The following TRAK1 variants were observed in gnomAD, a reference collection of about 807,000 sequenced individuals.
The protein encoded by TRAK1 is trafficking kinesin protein 1, also known as trafficking kinesin-binding protein 1.
A neutral mutation model predicts 92.1 loss-of-function variants in TRAK1; 33 were observed. That is an observed-to-expected ratio of 0.36 (90% CI 0.27 to 0.48). The LOEUF (loss-of-function observed/expected upper bound fraction) is 0.48, where lower values mean the gene tolerates loss of function less well. TRAK1 is among the 20% of genes least tolerant of loss of function. The probability of loss-of-function intolerance (pLI) is 0.99; values close to 1 mark genes in which losing one functional copy is unlikely to be tolerated. For missense variants in TRAK1, 1,123 were observed against 1,257.9 expected (o/e 0.89, Z 1.62); for synonymous variants, 521 against 517.3 (o/e 1.01, Z -0.10).
intron 1 of TRAK1, among the ~76,000 whole-genome samples, chr3:42,069,082 A>G (rs1703800470): frequency 6.6e-6 from 1 of 152,126 alleles, no homozygotes; most frequent in African/African-American, 2.4e-5. Flanking sequence ...TCATGTCTGT[A>G]ATCCCAGCAC....
chr3:42,033,073 A>G (rs559450689), intron 1 of TRAK1, among the ~76,000 whole-genome samples: 2 of 152,328 alleles, frequency 1.3e-5, no homozygotes, highest in African/African-American at 4.8e-5. Context: ...TTCTGGAAGT[A>G]TTAGCACATC....
rs181073997 is a variant in TRAK1 at position 42,109,435 on chromosome 3, A to T, written c.92-15985A>T. 2.1e-4 allele frequency among the ~76,000 whole-genome samples: 32 copies of T among 152,358 alleles called. No homozygotes were observed. The East Asian group carries it at 6.2e-3, about 29-fold the overall frequency. On this transcript the variant is annotated intron_variant, in intron 1 of 15. Transcript: ENST00000327628. ...GCAGTTAAAATAAAATAGAAAGAAA[A>T]GATATAATGTTAAAAATTCAACTGT...
Position 42,137,889 on chromosome 3 carries a change from CTTATCTGGAAA to C in TRAK1, c.286+12279_286+12289del, listed in dbSNP as rs966015920. Among the ~76,000 whole-genome samples the C allele has an allele frequency of 1.3e-4, 20 of 152,280 alleles. No homozygotes were observed. In the South Asian group the frequency reaches 2.1e-3, roughly 16 times the overall value. On this transcript the variant is annotated intron_variant, in intron 2 of 15. Coordinates refer to ENST00000327628, the MANE Select transcript of TRAK1 (RefSeq NM_001042646.3). ...TTATCACTGCATTGGGACTCGGTTT[CTTATCTGGAAA>C]TTAATCAGCATTAAATATTTTATGG...
chr3:42,093,664 T>TCCCTTCCCTCCCCTC (rs1559755617), intron 1 of TRAK1, among the ~76,000 whole-genome samples: 3 of 18,562 alleles, frequency 1.6e-4, no homozygotes, highest in African/African-American at 5.1e-4. Flanking sequence ...TCCCTTCCCT[T>TCCCTTCCCTCCCCTC]CCCTCCCCTC....
intron 14 of TRAK1, chr3:42,211,900 T>G: frequency 1.0e-6 from 1 of 985,414 alleles, no homozygotes; most frequent in Non-Finnish European, 1.2e-6. Flanking sequence ...AGGGTCAGGT[T>G]GGAGGTGTGT....
chr3:42,111,929 T>C (rs918180391), intron 1 of TRAK1, among the ~76,000 whole-genome samples: 2 of 151,542 alleles, frequency 1.3e-5, no homozygotes, highest in South Asian at 4.1e-4. Flanking sequence ...TTTTTTTTTT[T>C]TCAAATCTAG....
intron 14 of TRAK1, chr3:42,217,193 C>CTGAT: frequency 1.0e-6 from 1 of 974,668 alleles, no homozygotes; most frequent in Non-Finnish European, 1.2e-6. Flanking sequence ...TGAGGAGCCT[C>CTGAT]TGATGATCCC....
rs578227878 is a variant in TRAK1 at position 42,172,442 on chromosome 3, C to A, written c.287-4372C>A. Among the ~76,000 whole-genome samples the A allele has an allele frequency of 3.3e-5, 5 of 152,212 alleles. No individual in the cohort carries two copies. In the South Asian group the frequency reaches 1.0e-3, roughly 32 times the overall value. On this transcript the variant is annotated intron_variant, in intron 2 of 15. Coordinates refer to ENST00000327628, the MANE Select transcript of TRAK1 (RefSeq NM_001042646.3). The stretch of plus-strand genomic sequence containing the variant: ...TCTCAGGATAAGAGCCCACTCCTTG[C>A]CACCTACAATTTCCTTGCATTAATC...
chr3:42,027,435 A>G (rs1234612679), intron 1 of TRAK1, among the ~76,000 whole-genome samples: 1 of 152,010 alleles, frequency 6.6e-6, no homozygotes, highest in Admixed American at 6.6e-5. Context: ...AGGCAGGAGA[A>G]TGGCGTTAAC....
At chr3:42,080,250 G>A (rs1278380644) in intron 1 of TRAK1, among the ~76,000 whole-genome samples, 6 of 152,170 alleles carry the variant, frequency 3.9e-5, no homozygotes, top group African/African-American at 9.7e-5. Context: ...ACAACCGTGC[G>A]TTAAGTACTC....
intron 6 of TRAK1, among the ~76,000 whole-genome samples, chr3:42,189,751 G>A (rs1315310459): frequency 6.6e-6 from 1 of 152,106 alleles, no homozygotes. Flanking sequence ...GGCTGGTCTT[G>A]AACTCCTGAC....
intron 1 of TRAK1, among the ~76,000 whole-genome samples, chr3:42,074,718 G>T (rs1704076567): frequency 1.3e-5 from 2 of 149,842 alleles, no homozygotes; most frequent in Non-Finnish European, 1.5e-5. Flanking sequence ...GGTTCAGGTA[G>T]TACATGTATA....
intron 13 of TRAK1, chr3:42,203,014 C>G: frequency 3.2e-6 from 4 of 1,266,998 alleles, no homozygotes; most frequent in Non-Finnish European, 9.9e-7. Context: ...CTGTGGTCTT[C>G]TAGTTCTTTC....
intron 1 of TRAK1, among the ~76,000 whole-genome samples, chr3:42,037,001 T>C (rs1382307830): frequency 6.6e-6 from 1 of 152,230 alleles, no homozygotes; most frequent in East Asian, 1.9e-4. Context: ...TAATTTCTTA[T>C]TATTTTTTGT....
intron 1 of TRAK1, among the ~76,000 whole-genome samples, chr3:42,022,395 A>G (rs924566840): frequency 6.6e-6 from 1 of 152,208 alleles, no homozygotes; most frequent in Admixed American, 6.5e-5. Context: ...GATGTTTTAT[A>G]CTGTATTTGA....
chr3:42,209,403 C>T (rs1003148059), intron 13 of TRAK1, among the ~76,000 whole-genome samples: 2 of 152,218 alleles, frequency 1.3e-5, no homozygotes, highest in South Asian at 2.1e-4. Flanking sequence ...TTGCCATTTT[C>T]CCCCTTCCAT....
At chr3:42,173,102 C>T (rs946511631) in intron 2 of TRAK1, among the ~76,000 whole-genome samples, 8 of 152,092 alleles carry the variant, frequency 5.3e-5, no homozygotes, top group African/African-American at 9.7e-5. Context: ...GCCAAGATTG[C>T]GCCATGGTAC....
At chr3:42,199,335 G>A (rs1707197316) in intron 11 of TRAK1, 82 bp downstream of exon 11, 1 of 1,389,092 alleles carries the variant, frequency 7.2e-7, no homozygotes, top group Non-Finnish European at 1.0e-6. Context: ...GCAATGTTGA[G>A]GCTCTGGGTA....
At chr3:42,181,111 A>G (rs192278603) in intron 3 of TRAK1, among the ~76,000 whole-genome samples, 21 of 152,258 alleles carry the variant, frequency 1.4e-4, no homozygotes, top group South Asian at 4.2e-4. Context: ...CTGTCTCCCA[A>G]TTCCTGTTGG....
Sources: allele counts gnomAD v4.1 joint callset (sites outside exome capture counted in the v4.1 genomes callset), GRCh38; gene constraint gnomAD v4.1.1; transcripts MANE v1.5; gene names NCBI Gene and HGNC (gene_info 2026-07-23, HGNC 2026-07-21).